Variants in SHB observed in about 807,000 individuals in gnomAD.
SHB encodes SH2 domain-containing adapter protein B.
In SHB, 20 loss-of-function variants were observed where a neutral mutation model predicts 52.3. The observed-to-expected ratio is 0.38, with a 90% CI of 0.27 to 0.56. SHB has a LOEUF of 0.56. Ranked by LOEUF, SHB falls within the 20% of genes least tolerant of loss-of-function variation. SHB has a pLI of 0.71. For missense variants in SHB, 825 were observed against 723.3 expected (o/e 1.14, Z -1.61); for synonymous variants, 397 against 316.5 (o/e 1.25, Z -2.70).
intron 2 of SHB, among the ~76,000 whole-genome samples, chr9:37,992,121 C>T (rs921315185): frequency 6.6e-6 from 1 of 152,230 alleles, no homozygotes; most frequent in East Asian, 1.9e-4. Context: ...CTTGGTCCAG[C>T]CGGGCACGGT....
At chr9:37,943,462 G>C (rs184413714) in intron 5 of SHB, among the ~76,000 whole-genome samples, 58 of 152,316 alleles carry the variant, frequency 3.8e-4, no homozygotes, top group Non-Finnish European at 5.1e-4. Flanking sequence ...AAGTGCCACA[G>C]CATGATGGAA....
intron 1 of SHB, among the ~76,000 whole-genome samples, chr9:38,030,098 G>A (rs1342501400): frequency 6.6e-6 from 1 of 152,214 alleles, no homozygotes; most frequent in Non-Finnish European, 1.5e-5. Context: ...AAAGTCCAGT[G>A]AGGGCATGAC....
chr9:37,950,298 C>G (rs1832550767), intron 4 of SHB, among the ~76,000 whole-genome samples: 1 of 151,252 alleles, frequency 6.6e-6, no homozygotes, highest in Non-Finnish European at 1.5e-5. Flanking sequence ...CAGGTTTTCA[C>G]TTTATTGCCC....
At chr9:37,938,811 T>TG (rs1342586650) in intron 5 of SHB, among the ~76,000 whole-genome samples, 1 of 152,052 alleles carries the variant, frequency 6.6e-6, no homozygotes, top group East Asian at 1.9e-4. Context: ...ACTGCCGGGT[T>TG]GGGGGGTGGT....
At chr9:38,010,382 C>A (rs980974308) in intron 2 of SHB, among the ~76,000 whole-genome samples, 1 of 152,176 alleles carries the variant, frequency 6.6e-6, no homozygotes, top group Non-Finnish European at 1.5e-5. Flanking sequence ...ATCTCAGGCA[C>A]AAAAACACGC....
intron 1 of SHB, among the ~76,000 whole-genome samples, chr9:38,029,773 G>A (rs1394974610): frequency 6.6e-6 from 1 of 152,194 alleles, no homozygotes; most frequent in African/African-American, 2.4e-5. Context: ...TTACAGGTGT[G>A]AGCCACCACA....
intron 2 of SHB, among the ~76,000 whole-genome samples, chr9:37,981,173 T>C (rs996768916): frequency 2.6e-5 from 4 of 152,264 alleles, no homozygotes; most frequent in African/African-American, 9.6e-5. Flanking sequence ...AAGTCCTAGA[T>C]GGCATCTTCT....
At chr9:38,059,340 G>T (rs1433798414) in intron 1 of SHB, among the ~76,000 whole-genome samples, 1 of 151,398 alleles carries the variant, frequency 6.6e-6, no homozygotes, top group Non-Finnish European at 1.5e-5. Flanking sequence ...CTGGGCCTGA[G>T]TCACTCAGTG....
intron 5 of SHB, among the ~76,000 whole-genome samples, chr9:37,944,091 G>A (rs993441808): frequency 2.0e-5 from 3 of 152,338 alleles, no homozygotes; most frequent in South Asian, 4.1e-4. Flanking sequence ...TGAGTTGGCG[G>A]GCAGCCAAGG....
chr9:38,047,860 G>A (rs774413370), intron 1 of SHB, among the ~76,000 whole-genome samples: 2 of 152,206 alleles, frequency 1.3e-5, no homozygotes, highest in African/African-American at 2.4e-5. Flanking sequence ...GTCCTTGCCC[G>A]AGCTAACGCT....
chr9:38,062,367 T>C (rs1821905855), intron 1 of SHB, among the ~76,000 whole-genome samples: 2 of 152,314 alleles, frequency 1.3e-5, no homozygotes, highest in Middle Eastern at 6.8e-3. Flanking sequence ...CTTGCCTGTA[T>C]CCCTGCCCTT....
At chr9:38,022,557 G>GGCA (rs1422903406) in intron 1 of SHB, among the ~76,000 whole-genome samples, 1 of 152,124 alleles carries the variant, frequency 6.6e-6, no homozygotes, top group Non-Finnish European at 1.5e-5. Flanking sequence ...GACGTGAGGC[G>GGCA]GCAGCAGCAG....
chr9:37,938,577 C>CG, intron 5 of SHB, among the ~76,000 whole-genome samples: 1 of 152,324 alleles, frequency 6.6e-6, no homozygotes, highest in South Asian at 2.1e-4. Flanking sequence ...TGGAGACAGA[C>CG]GGGCAGTTGG....
intron 5 of SHB, among the ~76,000 whole-genome samples, chr9:37,925,029 G>C (rs1017469262): frequency 6.6e-6 from 1 of 152,220 alleles, no homozygotes. Context: ...CCATTGTGAT[G>C]TTTCTCAGCA....
intron 1 of SHB, among the ~76,000 whole-genome samples, chr9:38,042,577 C>T (rs750889589): frequency 6.6e-6 from 1 of 152,228 alleles, no homozygotes; most frequent in Non-Finnish European, 1.5e-5. Flanking sequence ...CTTGCCTCCA[C>T]CTTCAGCTGG....
At chr9:37,964,451 T>A (rs1832726950) in intron 3 of SHB, among the ~76,000 whole-genome samples, 1 of 152,118 alleles carries the variant, frequency 6.6e-6, no homozygotes, top group African/African-American at 2.4e-5. Flanking sequence ...GACCCCACCC[T>A]AAGATCTGAT....
At chr9:37,980,037 T>G (rs1564093377) in intron 2 of SHB, among the ~76,000 whole-genome samples, 1 of 152,216 alleles carries the variant, frequency 6.6e-6, no homozygotes, top group Admixed American at 6.5e-5. Flanking sequence ...TGTTGCCGGC[T>G]GCCGACTGAT....
chr9:37,922,746 G>A (rs1832198398), intron 5 of SHB, among the ~76,000 whole-genome samples: 1 of 152,126 alleles, frequency 6.6e-6, no homozygotes, highest in Admixed American at 6.5e-5. Context: ...ACCCTCCTGG[G>A]CTCAAGCACT....
chr9:37,982,848 C>G (rs1232819887), intron 2 of SHB, among the ~76,000 whole-genome samples: 1 of 152,084 alleles, frequency 6.6e-6, no homozygotes, highest in Non-Finnish European at 1.5e-5. Context: ...CATAACATGT[C>G]TTATGGTAAA....
Sources: gnomAD v4.1 joint callset for allele counts (sites outside exome capture counted in the v4.1 genomes callset) on GRCh38, gnomAD v4.1.1 for gene constraint, MANE v1.5 for transcripts, NCBI Gene and HGNC (gene_info 2026-07-23, HGNC 2026-07-21) for gene names.